Variants in NEK11 observed in about 807,000 individuals in gnomAD.
The protein encoded by NEK11 is NIMA related kinase 11.
In NEK11, 72 loss-of-function variants were observed where a neutral mutation model predicts 80.7. That is an observed-to-expected ratio of 0.89 (90% CI 0.74 to 1.08). NEK11 has a LOEUF of 1.08. NEK11 is among the 50% of genes least tolerant of loss of function. The pLI is 0.00. For synonymous variants in NEK11, 251 were observed against 260.7 expected (o/e 0.96, Z 0.36); for missense variants, 764 against 763.6 (o/e 1.00, Z -0.01).
At chr3:131,104,948 A>C (rs570541052) in intron 4 of NEK11, among the ~76,000 whole-genome samples, 2 of 152,082 alleles carry the variant, frequency 1.3e-5, no homozygotes, top group Non-Finnish European at 2.9e-5. Context: ...GCTCTGCACC[A>C]ATCCTGGGTG....
intron 14 of NEK11, among the ~76,000 whole-genome samples, chr3:131,209,636 C>T (rs1248318925): frequency 6.6e-6 from 1 of 152,116 alleles, no homozygotes; most frequent in Non-Finnish European, 1.5e-5. Flanking sequence ...GGTTGGTAGG[C>T]TATTAACTGT....
intron 16 of NEK11, among the ~76,000 whole-genome samples, chr3:131,251,368 G>A (rs1271185656): frequency 6.6e-6 from 1 of 151,968 alleles, no homozygotes; most frequent in Non-Finnish European, 1.5e-5. Context: ...AAAGAGGTAA[G>A]TGTTGGAAAG....
At chr3:131,212,936 C>G (rs1201438522) in intron 14 of NEK11, among the ~76,000 whole-genome samples, 7 of 152,162 alleles carry the variant, frequency 4.6e-5, no homozygotes, top group Non-Finnish European at 1.0e-4. Context: ...GCAGATTACT[C>G]TTGATAATGT....
intron 3 of NEK11, among the ~76,000 whole-genome samples, chr3:131,034,960 C>T (rs1459514538): frequency 6.6e-6 from 1 of 152,170 alleles, no homozygotes; most frequent in East Asian, 1.9e-4. Context: ...TGGTCCTATC[C>T]AAGTGCGTAT....
At chr3:131,157,386 T>A (rs1384037631) in intron 10 of NEK11, among the ~76,000 whole-genome samples, 1 of 152,216 alleles carries the variant, frequency 6.6e-6, no homozygotes, top group African/African-American at 2.4e-5. Flanking sequence ...GGGAGTGTGA[T>A]CATTGTCCAT....
intron 17 of NEK11, among the ~76,000 whole-genome samples, chr3:131,281,518 C>T (rs907460541): frequency 3.3e-5 from 5 of 152,098 alleles, no homozygotes; most frequent in Non-Finnish European, 7.4e-5. Flanking sequence ...GACGGACATA[C>T]GAGTATTTGC....
At chr3:131,208,177 T>C (rs2150477440) in intron 14 of NEK11, among the ~76,000 whole-genome samples, 1 of 152,358 alleles carries the variant, frequency 6.6e-6, no homozygotes, top group East Asian at 1.9e-4. Context: ...TTCAGCTTTC[T>C]ACATATGGCT....
At chr3:131,158,165 G>T (rs562240511) in intron 10 of NEK11, among the ~76,000 whole-genome samples, 1 of 152,174 alleles carries the variant, frequency 6.6e-6, no homozygotes, top group African/African-American at 2.4e-5. Context: ...GCAGCCACGG[G>T]TGTCTTGGGG....
chr3:131,232,464 G>A (rs2095348844), intron 15 of NEK11, among the ~76,000 whole-genome samples: 1 of 152,172 alleles, frequency 6.6e-6, no homozygotes, highest in South Asian at 2.1e-4. Flanking sequence ...TTCCTCGGAA[G>A]GGCTTTGTTT....
At chr3:131,237,816 A>G (rs1201172527) in intron 15 of NEK11, among the ~76,000 whole-genome samples, 4 of 152,180 alleles carry the variant, frequency 2.6e-5, no homozygotes, top group Non-Finnish European at 5.9e-5. Context: ...TATCCAATCC[A>G]TAAGCAAAAC....
At chr3:131,115,940 TTCTTTC>T (rs2081034968) in intron 5 of NEK11, among the ~76,000 whole-genome samples, 1 of 121,288 alleles carries the variant, frequency 8.2e-6, no homozygotes, top group African/African-American at 3.2e-5. Flanking sequence ...CTTTCTTTCT[TTCTTTC>T]TTTCTTTCTT....
chr3:131,312,599 A>T (rs1471562525), intron 17 of NEK11, among the ~76,000 whole-genome samples: 1 of 152,096 alleles, frequency 6.6e-6, no homozygotes, highest in East Asian at 1.9e-4. Context: ...TCTTTAGAAG[A>T]CACTTAATAT....
chr3:131,107,642 G>A (rs1477157753), intron 4 of NEK11, among the ~76,000 whole-genome samples: 1 of 151,988 alleles, frequency 6.6e-6, no homozygotes, highest in African/African-American at 2.4e-5. Context: ...ATATACAAAA[G>A]CCCTTCATAT....
At chr3:131,308,152 C>G (rs2096741064) in intron 17 of NEK11, among the ~76,000 whole-genome samples, 1 of 152,176 alleles carries the variant, frequency 6.6e-6, no homozygotes, top group Non-Finnish European at 1.5e-5. Context: ...ATGGTCACCT[C>G]TTAATCAAGG....
At chr3:131,279,713 C>G (rs1170671227) in intron 17 of NEK11, among the ~76,000 whole-genome samples, 1 of 152,062 alleles carries the variant, frequency 6.6e-6, no homozygotes. Context: ...ATCATAGACC[C>G]CCATTGTAAC....
chr3:131,058,773 A>T (rs769933006), intron 3 of NEK11, among the ~76,000 whole-genome samples: 1 of 152,194 alleles, frequency 6.6e-6, no homozygotes, highest in Non-Finnish European at 1.5e-5. Flanking sequence ...TAAGATAGTC[A>T]TACCTATTAG....
chr3:131,065,414 C>T (rs936460856), intron 3 of NEK11, among the ~76,000 whole-genome samples: 1 of 152,192 alleles, frequency 6.6e-6, no homozygotes, highest in Non-Finnish European at 1.5e-5. Flanking sequence ...CCCTCAACAT[C>T]TTAAAATCAT....
intron 5 of NEK11, among the ~76,000 whole-genome samples, chr3:131,127,865 G>A (rs549801255): frequency 2.7e-5 from 4 of 150,592 alleles, no homozygotes; most frequent in African/African-American, 9.7e-5. Context: ...TTTTCAGTTT[G>A]CCTTTATTTC....
intron 17 of NEK11, among the ~76,000 whole-genome samples, chr3:131,317,413 TG>T (rs1287151926): frequency 2.0e-5 from 3 of 152,144 alleles, no homozygotes; most frequent in African/African-American, 7.2e-5. Flanking sequence ...AGTGATACAC[TG>T]CTCCCACTCA....
Sources: gnomAD v4.1 joint callset for allele counts (sites outside exome capture counted in the v4.1 genomes callset) on GRCh38, gnomAD v4.1.1 for gene constraint, MANE v1.5 for transcripts, NCBI Gene and HGNC (gene_info 2026-07-23, HGNC 2026-07-21) for gene names.